USP25: variants seen among roughly 807,000 people sequenced by gnomAD.
USP25 encodes ubiquitin carboxyl-terminal hydrolase 25.
USP25 carries 85 observed loss-of-function variants against 158.5 expected under a neutral mutation model. The ratio of observed to expected loss-of-function variants is 0.54; its 90% confidence interval spans 0.45 to 0.64. USP25 has a LOEUF of 0.64. Among genes scored for constraint, USP25 ranks in the 30% least tolerant of loss-of-function variants. The pLI is 0.00. For synonymous variants in USP25, 464 were observed against 460.4 expected, an observed-to-expected ratio of 1.01 and a Z score of -0.10; for missense variants, 1,242 against 1,327.3, an observed-to-expected ratio of 0.94 and a Z score of 1.00.
chr21:15,733,794 A>G (rs959976719), intron 1 of USP25, among the ~76,000 whole-genome samples: 1 of 152,184 alleles, frequency 6.6e-6, no homozygotes, highest in African/African-American at 2.4e-5. Flanking sequence ...GTGAGCCGAG[A>G]TCGCGCCATT....
chr21:15,830,664 T>G, intron 15 of USP25, 63 bp downstream of exon 15: 1 of 1,265,834 alleles, frequency 7.9e-7, no homozygotes, highest in Non-Finnish European at 1.1e-6. Context: ...TAATTTACCT[T>G]TACATTATCT....
At chr21:15,795,580 G>A (rs749143234) in intron 5 of USP25, among the ~76,000 whole-genome samples, 3 of 151,462 alleles carry the variant, frequency 2.0e-5, no homozygotes, top group Admixed American at 6.6e-5. Context: ...AGAGAAATGG[G>A]ATTGGTCGAT....
intron 6 of USP25, among the ~76,000 whole-genome samples, chr21:15,800,376 C>G (rs2036072499): frequency 6.6e-6 from 1 of 151,198 alleles, no homozygotes; most frequent in South Asian, 2.1e-4. Context: ...TGATTTCTCT[C>G]TGTTCCATTT....
Position 15,816,576 on chromosome 21 carries a change from G to A in USP25, c.932-2122G>A, listed in dbSNP as rs1055239062. Among the ~76,000 whole-genome samples the A allele has an allele frequency of 6.6e-6, 1 of 152,070 alleles. No individual in the cohort carries two copies. Among genetic ancestry groups the A allele is most frequent in the Non-Finnish European group, 1.5e-5 (1 of 68,002 alleles). On this transcript the variant is annotated intron_variant, in intron 9 of 25. Coordinates refer to ENST00000400183, the MANE Select transcript of USP25 (RefSeq NM_001283041.3). This position sits in a 1 kb window ranked among gnomAD's most constrained non-coding sequence, Gnocchi z 4.0. Reference sequence around the variant, plus strand: ...TAGTCTCTTTTTGCATATAAAGGTAGCAGAACCTTAGGACTTTGTTTAGGC... The same window carrying A: ...TAGTCTCTTTTTGCATATAAAGGTAACAGAACCTTAGGACTTTGTTTAGGC...
chr21:15,833,420 T>A lies in USP25; in HGVS notation c.2066T>A (p.Val689Asp). The change falls in exon 17 of 26, where the codon GTT (valine) becomes GAT (aspartate). Residue 689 changes from valine (V) to aspartate (D), a missense_variant. By Grantham distance (152) the Val-to-Asp change is radical. Coordinates refer to ENST00000400183, the MANE Select transcript of USP25 (RefSeq NM_001283041.3). ...ETLPPDLRDFVEEDNQRFEKE... is the reference protein window; with the variant it reads ...ETLPPDLRDFDEEDNQRFEKE... ...TTACCACCGGATTTGAGAGATTTTG[T>A]TGAGGAAGACAACCAACGATTTGAA... 6.2e-7 allele frequency: 1 copy of A among 1,614,090 alleles called. No individual in the cohort carries two copies.
At position 15,843,455 on chromosome 21, in the gene USP25, AT is replaced by A. The variant is rs1425689896; in HGVS notation, c.2337+916del. ...TATAATAAGACTTCCTTTAGCCAAA[AT>A]GTTCAAGAGATATGGTACTCTGTTA... On this transcript the variant is annotated intron_variant, in intron 18 of 25. Coordinates refer to ENST00000400183, the MANE Select transcript of USP25 (RefSeq NM_001283041.3). The surrounding 1 kb of genome is among the most constrained non-coding windows in gnomAD (Gnocchi z 4.0). Among the ~76,000 whole-genome samples the A allele has an allele frequency of 1.3e-5, 2 of 152,230 alleles. No homozygotes were observed. Among genetic ancestry groups the A allele is most frequent in the African/African-American group, 2.4e-5 (1 of 41,458 alleles).
At chr21:15,814,105 A>G (rs138647182) in intron 9 of USP25, among the ~76,000 whole-genome samples, 361 of 150,000 alleles carry the variant, frequency 2.4e-3, no homozygotes, top group African/African-American at 8.4e-3. Flanking sequence ...ACAAGAGAAA[A>G]TGAGGTAGAA....
chr21:15,855,838 A>G (rs143865382), intron 20 of USP25, among the ~76,000 whole-genome samples: 2,287 of 152,332 alleles, frequency 0.015, 26 homozygotes, highest in Non-Finnish European at 0.025. Flanking sequence ...TCCGTACCCA[A>G]AAGTAGCCAT....
chr21:15,754,834 T>G (rs1264895090), intron 1 of USP25, among the ~76,000 whole-genome samples: 1 of 152,130 alleles, frequency 6.6e-6, no homozygotes, highest in East Asian at 1.9e-4. Flanking sequence ...CTCAGGAGAT[T>G]TTTTCTTCTT....
chr21:15,804,619 T>A (rs1301649348), intron 6 of USP25, among the ~76,000 whole-genome samples: 2 of 152,130 alleles, frequency 1.3e-5, no homozygotes, highest in East Asian at 3.9e-4. Context: ...TTTCAGTAGA[T>A]GTGGAATTTG....
At chr21:15,788,493 G>C (rs1248386059) in intron 4 of USP25, among the ~76,000 whole-genome samples, 1 of 152,054 alleles carries the variant, frequency 6.6e-6, no homozygotes, top group Admixed American at 6.6e-5. Flanking sequence ...TTGCTCTAGA[G>C]GTAAAGCAAA....
intron 10 of USP25, among the ~76,000 whole-genome samples, chr21:15,823,441 A>G (rs1055878032): frequency 1.3e-5 from 2 of 152,090 alleles, no homozygotes; most frequent in African/African-American, 2.4e-5. Flanking sequence ...TTCTTTAAAC[A>G]CTAGTTATTT....
Position 15,826,900 on chromosome 21 carries a change from A to C in USP25, c.1467-77A>C. On this transcript the variant is annotated intron_variant, in intron 13 of 25. Coordinates refer to ENST00000400183, the MANE Select transcript of USP25 (RefSeq NM_001283041.3). This position sits in a 1 kb window ranked among gnomAD's most constrained non-coding sequence, Gnocchi z 4.8. ...CTTTTGAATTACAAGCCAATTTAAT[A>C]CTGTGGGTTTGGCACGATCTTTGTC... is the stretch of plus-strand genomic sequence containing the variant. The C allele has an allele frequency of 6.9e-7, 1 of 1,450,760 alleles. No homozygotes were observed. Among genetic ancestry groups the C allele is most frequent in the Non-Finnish European group, 9.5e-7 (1 of 1,051,510 alleles). The allele number at this position is 1,450,760 out of a possible 1,614,324, so 89.9% of individuals were successfully genotyped here.
intron 16 of USP25, 74 bp from the exon 17 acceptor site, chr21:15,833,274 T>C: frequency 7.4e-7 from 1 of 1,343,422 alleles, no homozygotes. Context: ...CTATTTGAAA[T>C]GCAGTCTATT....
At chr21:15,805,854 AAGAT>A (rs1234967584) in intron 7 of USP25, among the ~76,000 whole-genome samples, 3 of 152,340 alleles carry the variant, frequency 2.0e-5, no homozygotes, top group East Asian at 3.9e-4. Context: ...AGTGTTCAAA[AAGAT>A]AGCGGCAATG....
chr21:15,841,290 A>G (rs1048362967), intron 17 of USP25, among the ~76,000 whole-genome samples: 1 of 152,096 alleles, frequency 6.6e-6, no homozygotes, highest in Admixed American at 6.6e-5. Context: ...CAGAAAGCAC[A>G]TTTATTTCTT....
At position 15,833,517 on chromosome 21, in the gene USP25, A is replaced by G; in HGVS notation, c.2163A>G (p.Lys721=). 2.5e-6 allele frequency: 4 copies of G among 1,613,982 alleles called. No individual in the cohort carries two copies. Among genetic ancestry groups the G allele is most frequent in the Non-Finnish European group, 2.5e-6 (3 of 1,179,950 alleles). ...AGGAAAAGCTTTTAGCGTCTCAGAA[A>G]TTGAGAGAGTCAGAGACTTCTGTGA... ...ALQEKLLASQ[K]LRESETSVTT... Residue 721 remains lysine, a synonymous_variant, in exon 17 of 26, where the codon AAA becomes AAG. Transcript: ENST00000400183.
intron 9 of USP25, among the ~76,000 whole-genome samples, chr21:15,817,589 C>G (rs190035439): frequency 2.6e-5 from 4 of 152,266 alleles, no homozygotes; most frequent in African/African-American, 9.6e-5. Context: ...AATGGACTCA[C>G]AGTTTTACAT....
At chr21:15,810,633 A>C (rs1334318718) in intron 8 of USP25, among the ~76,000 whole-genome samples, 1 of 152,152 alleles carries the variant, frequency 6.6e-6, no homozygotes, top group African/African-American at 2.4e-5. Flanking sequence ...ACTTTGGGTG[A>C]AAAACTGGTA....
Sources: gnomAD v4.1 joint callset for allele counts (sites outside exome capture counted in the v4.1 genomes callset) on GRCh38, gnomAD v4.1.1 for gene constraint, Gnocchi (gnomAD v3.1) non-coding constraint, MANE v1.5 for transcripts, NCBI Gene and HGNC (gene_info 2026-07-23, HGNC 2026-07-21) for gene names.